The following LAMB4 variants were observed in gnomAD, a reference collection of about 807,000 sequenced individuals.
LAMB4 encodes laminin subunit beta-4.
In LAMB4, 196 loss-of-function variants were observed where a neutral mutation model predicts 199.2. That is an observed-to-expected ratio of 0.98 (90% CI 0.88 to 1.11). The LOEUF is 1.11. Ranked by LOEUF, LAMB4 falls within the 50% of genes least tolerant of loss-of-function variation. LAMB4 has a pLI of 0.00. For missense variants in LAMB4, 2,080 were observed against 2,171.2 expected, an observed-to-expected ratio of 0.96 and a Z score of 0.83; for synonymous variants, 744 against 770.6, an observed-to-expected ratio of 0.97 and a Z score of 0.57.
chr7:108,059,061 G>A (rs1001730577), intron 23 of LAMB4, among the ~76,000 whole-genome samples: 4 of 150,636 alleles, frequency 2.7e-5, no homozygotes, highest in Non-Finnish European at 4.4e-5. Context: ...CCCAATTGTT[G>A]GGCAGTGCTT....
chr7:108,053,424 A>G (rs992042036), intron 25 of LAMB4, among the ~76,000 whole-genome samples: 2 of 152,228 alleles, frequency 1.3e-5, no homozygotes, highest in African/African-American at 4.8e-5. Flanking sequence ...GAAGACAAGC[A>G]CGTGAGAAGG....
chr7:108,059,850 A>G (rs926245857), intron 23 of LAMB4, among the ~76,000 whole-genome samples: 2 of 152,114 alleles, frequency 1.3e-5, no homozygotes, highest in South Asian at 2.1e-4. Context: ...TTAACATTTC[A>G]TCTCCTTGTT....
chr7:108,091,051 C>T (rs930399130), intron 14 of LAMB4, among the ~76,000 whole-genome samples: 1 of 151,936 alleles, frequency 6.6e-6, no homozygotes, highest in African/African-American at 2.4e-5. Context: ...TCTTAGGGAT[C>T]AACTTTCACA....
At chr7:108,098,681 G>A in intron 10 of LAMB4, 99 bp from the exon 11 acceptor site, 1 of 982,714 alleles carries the variant, frequency 1.0e-6, no homozygotes, top group Non-Finnish European at 1.4e-6. Context: ...ATCTTGCTTT[G>A]TTTAAATAAT....
the LAMB4 span, among the ~76,000 whole-genome samples, chr7:108,012,018 T>C: frequency 1.3e-5 from 2 of 151,762 alleles, no homozygotes; most frequent in African/African-American, 4.8e-5. Flanking sequence ...GAAGGAAGCA[T>C]AGCAAATGTT....
Position 108,077,106 on chromosome 7 carries a change from T to C in LAMB4, c.2004-42A>G. On this transcript the variant is annotated intron_variant, in intron 16 of 33. Transcript: ENST00000388781. ...AAAGCAAAAATTCAGACCACAGAAA[T>C]ACAATTATATTAGCTAAATGGCCAT... The C allele has an allele frequency of 1.9e-6, 3 of 1,599,692 alleles. 1 individual carries two copies. The highest frequency in any genetic ancestry group is 1.3e-5 in the African/African-American group (1 of 74,672).
chr7:108,095,394 GT>G, intron 11 of LAMB4, 57 bp from the exon 12 acceptor site: 1 of 1,245,934 alleles, frequency 8.0e-7, no homozygotes, highest in East Asian at 2.3e-5. Context: ...TCTTGCAAGT[GT>G]ACTTAATAGC....
In LAMB4 at chr7:108,095,309, C is replaced by T. The variant is rs904938587; in HGVS notation, c.1389G>A (p.Leu463=). 3 of 1,613,698 alleles carry T rather than the reference C, an allele frequency of 1.9e-6. No homozygotes were observed. Among genetic ancestry groups the T allele is most frequent in the Non-Finnish European group, 2.5e-6 (3 of 1,179,886 alleles). ...TATCCACATCACAGGTCAAGAATGG[C>T]AGACTCCCAAGGGGGTTACAGTCGC... The part of the protein sequence containing the change: ...QPCDCNPLGS[L]PFLTCDVDTG... Residue 463 remains leucine (L), a synonymous_variant, in exon 12 of 34, where the codon CTG becomes CTA. Transcript: ENST00000388781.
intron 8 of LAMB4, 56 bp from the exon 9 acceptor site, chr7:108,104,675 G>A (rs751596974): frequency 1.8e-5 from 28 of 1,582,738 alleles, no homozygotes; most frequent in Non-Finnish European, 2.3e-5. Flanking sequence ...GGGACGTTGG[G>A]GTTCTTTAAA....
intron 2 of LAMB4, among the ~76,000 whole-genome samples, chr7:108,118,794 G>T (rs969831984): frequency 1.3e-5 from 2 of 151,486 alleles, no homozygotes; most frequent in African/African-American, 4.8e-5. Flanking sequence ...TTAGAAAATT[G>T]GACCGTGTCA....
Position 108,037,418 on chromosome 7 carries a change from T to G in LAMB4, c.4649A>C (p.Gln1550Pro). ...NRLNEEADGA[Q>P]KLLVKAKAAE... ...TGCTTTGGCCTTCACCAAAAGCTTT[T>G]GGGCTCCATCTGCTTCTTCATTTAA... Residue 1550 changes from glutamine to proline, a missense_variant, in exon 30 of 34, where the codon CAA (glutamine) becomes CCA (proline). Gln to Pro is a moderately conservative substitution (Grantham distance 76). Coordinates refer to ENST00000388781, the MANE Select transcript of LAMB4 (RefSeq NM_007356.3). 6.2e-7 allele frequency: 1 copy of G among 1,614,122 alleles called. No homozygotes were observed. Among genetic ancestry groups the G allele is most frequent in the Middle Eastern group, 1.6e-4 (1 of 6,062 alleles).
intron 14 of LAMB4, among the ~76,000 whole-genome samples, chr7:108,084,669 G>A (rs762064850): frequency 6.6e-6 from 1 of 151,876 alleles, no homozygotes; most frequent in Non-Finnish European, 1.5e-5. Flanking sequence ...TTACTAACGT[G>A]ATCGAGTTAG....
chr7:108,051,170 A>C (rs1235341442), intron 26 of LAMB4, among the ~76,000 whole-genome samples: 1 of 152,240 alleles, frequency 6.6e-6, no homozygotes, highest in Non-Finnish European at 1.5e-5. Flanking sequence ...CTAGATTAGG[A>C]ATCAGAGTAG....
chr7:108,070,405 C>G (rs1008423875), intron 17 of LAMB4, among the ~76,000 whole-genome samples: 1 of 152,210 alleles, frequency 6.6e-6, no homozygotes, highest in African/African-American at 2.4e-5. Flanking sequence ...ATGACCAGAA[C>G]TGACGCTTGA....
At chr7:108,120,610 C>A (rs111641070) in intron 2 of LAMB4, among the ~76,000 whole-genome samples, 9 of 152,314 alleles carry the variant, frequency 5.9e-5, no homozygotes, top group African/African-American at 2.2e-4. Flanking sequence ...CAGCAACCCA[C>A]ATTCATATTT....
chr7:108,092,786 C>G (rs1412987676), intron 12 of LAMB4, among the ~76,000 whole-genome samples: 2 of 152,096 alleles, frequency 1.3e-5, no homozygotes, highest in East Asian at 3.9e-4. Flanking sequence ...TGCCTGTAGT[C>G]CCAGCTACTC....
intron 3 of LAMB4, 50 bp from the exon 4 acceptor site, chr7:108,111,996 T>A: frequency 6.7e-7 from 1 of 1,484,246 alleles, no homozygotes; most frequent in South Asian, 1.3e-5. Flanking sequence ...AATTACATAT[T>A]GTTGGGCTAA....
intron 1 of LAMB4, among the ~76,000 whole-genome samples, chr7:108,124,231 A>C (rs76106578): frequency 0.034 from 5,210 of 152,230 alleles, 263 homozygotes; most frequent in African/African-American, 0.12. Flanking sequence ...AAGATGGACA[A>C]CAGTATTTTT....
chr7:108,096,656 G>T (rs772435910), intron 11 of LAMB4, among the ~76,000 whole-genome samples: 3 of 151,804 alleles, frequency 2.0e-5, no homozygotes, highest in Non-Finnish European at 4.4e-5. Context: ...TATGGGCTGG[G>T]CACAGTGGCT....
Sources: allele counts gnomAD v4.1 joint callset (sites outside exome capture counted in the v4.1 genomes callset), GRCh38; gene constraint gnomAD v4.1.1; transcripts MANE v1.5; gene names NCBI Gene and HGNC (gene_info 2026-07-23, HGNC 2026-07-21).